The following RIN3 variants were observed in gnomAD, a reference collection of about 807,000 sequenced individuals.
The protein encoded by RIN3 is RAB5 interacting protein 3.
Under a neutral mutation model 76.3 loss-of-function variants are expected in RIN3, and 54 were observed. The ratio of observed to expected loss-of-function variants is 0.71; its 90% CI spans 0.57 to 0.89. The LOEUF (loss-of-function observed/expected upper bound fraction) is 0.89, where lower values mean the gene tolerates loss of function less well. Ranked by LOEUF, RIN3 falls within the 40% of genes least tolerant of loss-of-function variation. RIN3 has a pLI of 0.00. For synonymous variants in RIN3, 576 were observed against 564.0 expected, an observed-to-expected ratio of 1.02 and a Z score of -0.30; for missense variants, 1,256 against 1,322.1, an observed-to-expected ratio of 0.95 and a Z score of 0.78.
In RIN3 at chr14:92,663,455, G is replaced by A. The variant is rs191986649; in HGVS notation, c.2335+3986G>A. ...TCAGCAGGCAAGAGGGAGGGAGGCCGGAATCTCTGCAGATCCAGAAGCCAG... is the reference window on the plus strand; with the variant it reads ...TCAGCAGGCAAGAGGGAGGGAGGCCAGAATCTCTGCAGATCCAGAAGCCAG... On this transcript the variant is annotated intron_variant, in intron 7 of 9. Coordinates refer to ENST00000216487, the MANE Select transcript of RIN3 (RefSeq NM_024832.5). 1.3e-4 allele frequency among the ~76,000 whole-genome samples: 20 copies of A among 152,314 alleles called. No homozygotes were observed. The East Asian group carries it at 1.4e-3, about 10-fold the overall frequency.
Position 92,514,127 on chromosome 14 carries a change from G to C in RIN3, c.44+151G>C, listed in dbSNP as rs1595380665. 1 of 520,248 alleles carries C rather than the reference G, an allele frequency of 1.9e-6. No individual in the cohort carries two copies. Among genetic ancestry groups the C allele is most frequent in the Non-Finnish European group, 3.0e-6 (1 of 338,254 alleles). The allele number at this position is 520,248 out of a possible 1,614,324, so 32.2% of individuals were successfully genotyped here. A position where few individuals can be genotyped will look rare whatever the true frequency, so the allele number is the denominator to read the frequency against. ...GGGACCCCCACCGTGGCCGAGGCCA[G>C]AACCTGGTTCTGCGGGGCAGGGGGC... is the stretch of plus-strand genomic sequence containing the variant. On this transcript the variant is annotated intron_variant, in intron 1 of 9. Transcript: ENST00000216487. This position sits in a 1 kb window ranked among gnomAD's most constrained non-coding sequence, Gnocchi z 7.2.
rs1033315339 is a variant in RIN3, at chr14:92,643,594, A to C, written c.532+2265A>C. 2.0e-5 allele frequency among the ~76,000 whole-genome samples: 3 copies of C among 152,190 alleles called. No individual in the cohort carries two copies. The highest frequency in any genetic ancestry group is 6.5e-5 in the Admixed American group (1 of 15,282). ...GGTTCGATGACACCGACCATTGCAG[A>C]GCACTTGGCATTGTCTTATGTCATT... is the stretch of plus-strand genomic sequence containing the variant. On this transcript the variant is annotated intron_variant, in intron 5 of 9. Coordinates refer to ENST00000216487, the MANE Select transcript of RIN3 (RefSeq NM_024832.5). The surrounding 1 kb of genome is among the most constrained non-coding windows in gnomAD (Gnocchi z 4.8).
At position 92,652,027 on chromosome 14, in the gene RIN3, C is replaced by T. The variant is rs1295988166; in HGVS notation, c.978C>T (p.Ala326=). 6.3e-7 allele frequency: 1 copy of T among 1,598,074 alleles called. No homozygotes were observed. The highest frequency in any genetic ancestry group is 1.1e-5 in the South Asian group (1 of 90,868). ...PVPAPHVTPH[A]PGPPDHPNQP... is the part of the protein sequence containing the mutation. ...CTGCCCCCCACGTCACACCCCATGC[C>T]CCAGGTCCCCCAGACCATCCGAACC... Residue 326 remains alanine (A), a synonymous_variant, in exon 6 of 10, where the codon GCC becomes GCT. Transcript: ENST00000216487. The surrounding 1 kb of genome is among the most constrained non-coding windows in gnomAD (Gnocchi z 6.4).
At position 92,537,735 on chromosome 14, in the gene RIN3, C is replaced by T. The variant is rs1595396749; in HGVS notation, c.45-18016C>T. On this transcript the variant is annotated intron_variant, in intron 1 of 9. Coordinates refer to ENST00000216487, the MANE Select transcript of RIN3 (RefSeq NM_024832.5). The stretch of plus-strand genomic sequence containing the variant: ...TCTTGGCTCACTGCAGCCTCTGCCC[C>T]CCCGCCACCAGGTTCCAGCGATTCT... Among the ~76,000 whole-genome samples the T allele has an allele frequency of 5.3e-5, 8 of 150,932 alleles. No individual in the cohort carries two copies. The South Asian group carries it at 1.7e-3, about 32-fold the overall frequency.
intron 4 of RIN3, among the ~76,000 whole-genome samples, chr14:92,620,824 G>A (rs1050145761): frequency 5.3e-5 from 8 of 151,994 alleles, no homozygotes; most frequent in Admixed American, 1.3e-4. Flanking sequence ...CCTTAAGTTC[G>A]CCAATATTTT....
intron 9 of RIN3, 146 bp from the exon 10 acceptor site, chr14:92,687,780 C>T (rs549326637): frequency 4.3e-6 from 3 of 697,818 alleles, no homozygotes; most frequent in African/African-American, 3.9e-5. Context: ...AGGCTCGCGG[C>T]AGAGACGGGA....
intron 3 of RIN3, among the ~76,000 whole-genome samples, chr14:92,593,363 A>G (rs1193890613): frequency 6.6e-6 from 1 of 152,206 alleles, no homozygotes; most frequent in Non-Finnish European, 1.5e-5. Flanking sequence ...TGCACTAATT[A>G]AAAGAGAGAG....
Position 92,651,565 on chromosome 14 carries a change from C to T in RIN3, c.533-17C>T, listed in dbSNP as rs749519704. 3 of 1,580,486 alleles carry T rather than the reference C, an allele frequency of 1.9e-6. No individual in the cohort carries two copies. The South Asian group carries it at 3.5e-5, about 18-fold the overall frequency. On this transcript the variant is annotated splice_polypyrimidine_tract_variant and intron_variant, in intron 5 of 9. Transcript: ENST00000216487. The stretch of plus-strand genomic sequence containing the variant: ...CCTGGCACAGACTGACCCCCTGCCC[C>T]TCTCTTGCTTCCACAGGTTTCTGGG...
chr14:92,675,244 A>G (rs764120047), intron 7 of RIN3, among the ~76,000 whole-genome samples: 8 of 152,114 alleles, frequency 5.3e-5, no homozygotes, highest in South Asian at 2.1e-4. Flanking sequence ...TTGCATTTTT[A>G]TGTTTCCTAT....
chr14:92,537,975 T>A (rs1341186900), intron 1 of RIN3, among the ~76,000 whole-genome samples: 1 of 152,138 alleles, frequency 6.6e-6, no homozygotes, highest in Non-Finnish European at 1.5e-5. Context: ...TAGCTGGGAC[T>A]ACAGGCGCCC....
chr14:92,614,122 G>A (rs753117829), intron 3 of RIN3, among the ~76,000 whole-genome samples: 2 of 152,238 alleles, frequency 1.3e-5, no homozygotes, highest in African/African-American at 4.8e-5. Flanking sequence ...CTGCCCCTCC[G>A]AGGAGCCCCA....
intron 3 of RIN3, among the ~76,000 whole-genome samples, chr14:92,583,096 T>C (rs1884618530): frequency 6.6e-6 from 1 of 152,140 alleles, no homozygotes; most frequent in Non-Finnish European, 1.5e-5. Context: ...AGGGTTCGTG[T>C]GTCTACACTG....
chr14:92,644,448 G>T (rs1887125714), intron 5 of RIN3: 1 of 151,146 alleles, frequency 6.6e-6, no homozygotes, highest in Non-Finnish European at 1.5e-5. Context: ...TGGAAGAACT[G>T]CATTCCTTTC....
intron 3 of RIN3, among the ~76,000 whole-genome samples, chr14:92,581,889 G>T (rs1310933069): frequency 6.6e-6 from 1 of 152,188 alleles, no homozygotes; most frequent in Non-Finnish European, 1.5e-5. Context: ...GGCAGTGGAT[G>T]GAAAATCACT....
chr14:92,673,818 G>C (rs1295712026), intron 7 of RIN3, among the ~76,000 whole-genome samples: 10 of 152,174 alleles, frequency 6.6e-5, no homozygotes, highest in Admixed American at 2.0e-4. Flanking sequence ...CACATCTTCA[G>C]TGAAGTCAGG....
At chr14:92,671,488 G>C (rs754158400) in intron 7 of RIN3, among the ~76,000 whole-genome samples, 2 of 152,170 alleles carry the variant, frequency 1.3e-5, no homozygotes, top group Non-Finnish European at 2.9e-5. Context: ...CAGTAACCCT[G>C]GGGCAGCCCA....
intron 1 of RIN3, among the ~76,000 whole-genome samples, chr14:92,516,177 C>T (rs2139986329): frequency 6.6e-6 from 1 of 152,314 alleles, no homozygotes; most frequent in East Asian, 1.9e-4. Context: ...AAAAGGATTC[C>T]ACTGCTGGAA....
chr14:92,637,085 A>G (rs935497074), intron 4 of RIN3, among the ~76,000 whole-genome samples: 4 of 151,822 alleles, frequency 2.6e-5, no homozygotes, highest in African/African-American at 7.3e-5. Context: ...TGGGGTGGGG[A>G]TGGTTTCGGG....
intron 3 of RIN3, among the ~76,000 whole-genome samples, chr14:92,612,147 A>T (rs1885764671): frequency 6.6e-6 from 1 of 152,114 alleles, no homozygotes; most frequent in Non-Finnish European, 1.5e-5. Context: ...TGCACATGAG[A>T]TTTGGGTGGG....
Sources: gnomAD v4.1 joint callset for allele counts (sites outside exome capture counted in the v4.1 genomes callset) on GRCh38, gnomAD v4.1.1 for gene constraint, Gnocchi (gnomAD v3.1) non-coding constraint, MANE v1.5 for transcripts, NCBI Gene and HGNC (gene_info 2026-07-23, HGNC 2026-07-21) for gene names.